The following NTM variants were observed in gnomAD, a reference collection of about 807,000 sequenced individuals.
NTM encodes the protein neurotrimin, also known as IgLON family member 2.
NTM carries 13 observed loss-of-function variants against 42.1 expected under a neutral mutation model. That is an observed-to-expected ratio of 0.31 (90% CI 0.20 to 0.49). The LOEUF (loss-of-function observed/expected upper bound fraction) is 0.49. NTM is among the 20% of genes least tolerant of loss of function. The probability of loss-of-function intolerance (pLI) is 0.99; values close to 1 mark genes in which losing one functional copy is unlikely to be tolerated. For synonymous variants in NTM, 187 were observed against 179.2 expected (o/e 1.04, Z -0.35); for missense variants, 373 against 452.8 (o/e 0.82, Z 1.60).
Position 132,146,535 on chromosome 11 carries a change from G to A in NTM, c.400+21G>A, listed in dbSNP as rs775858262. 74 of 1,609,192 alleles carry A rather than the reference G, an allele frequency of 4.6e-5. No individual in the cohort carries two copies. The highest frequency in any genetic ancestry group is 5.5e-5 in the Non-Finnish European group (65 of 1,176,488). ...GCAAGGTAGGTGGGCGGGGCTTGGCGGGGAGATCTGGCTGGCCAGCCTGGA... is the reference window on the plus strand; with the variant it reads ...GCAAGGTAGGTGGGCGGGGCTTGGCAGGGAGATCTGGCTGGCCAGCCTGGA... On this transcript the variant is annotated intron_variant, in intron 3 of 8. Coordinates refer to ENST00000683400, the MANE Select transcript of NTM (RefSeq NM_001352005.2). This position sits in a 1 kb window ranked among gnomAD's most constrained non-coding sequence, Gnocchi z 4.5.
intron 1 of NTM, among the ~76,000 whole-genome samples, chr11:131,490,777 A>C (rs928158948): frequency 6.6e-6 from 1 of 152,238 alleles, no homozygotes; most frequent in Non-Finnish European, 1.5e-5. Flanking sequence ...CATAACATTC[A>C]TCATATTGCA....
intron 1 of NTM, among the ~76,000 whole-genome samples, chr11:131,903,401 T>G (rs2053441293): frequency 6.6e-6 from 1 of 152,222 alleles, no homozygotes; most frequent in African/African-American, 2.4e-5. Context: ...AGTTAAATAT[T>G]AACAGCGTAT....
chr11:131,787,354 G>GATTATTATTATTATTATTATTATTATT (rs149079341), intron 1 of NTM, among the ~76,000 whole-genome samples: 8 of 144,432 alleles, frequency 5.5e-5, no homozygotes, highest in African/African-American at 1.5e-4. Context: ...CATAATACAA[G>GATTATTATTATTATTATTATTATTATT]ATTATTATTA....
chr11:131,459,501 A>C (rs1951187567), intron 1 of NTM, among the ~76,000 whole-genome samples: 1 of 150,394 alleles, frequency 6.6e-6, no homozygotes, highest in Non-Finnish European at 1.5e-5. Flanking sequence ...AAGAAAGACT[A>C]TAGAAAAAAA....
At chr11:132,166,353 A>C (rs1298499545) in intron 3 of NTM, among the ~76,000 whole-genome samples, 1 of 152,044 alleles carries the variant, frequency 6.6e-6, no homozygotes, top group Non-Finnish European at 1.5e-5. Context: ...CAGAAACCTC[A>C]CCCACGATAA....
intron 2 of NTM, among the ~76,000 whole-genome samples, chr11:132,027,339 C>T (rs779551650): frequency 2.0e-5 from 3 of 152,186 alleles, no homozygotes; most frequent in South Asian, 2.1e-4. Context: ...GGGGAAATAA[C>T]GATCAATTTA....
At chr11:131,915,538 T>A (rs1028234215) in intron 2 of NTM, among the ~76,000 whole-genome samples, 8 of 152,356 alleles carry the variant, frequency 5.3e-5, no homozygotes, top group Admixed American at 2.6e-4. Flanking sequence ...TCTATCATTT[T>A]ATTTTAAATT....
intron 2 of NTM, among the ~76,000 whole-genome samples, chr11:132,113,012 G>C (rs1412828102): frequency 6.6e-6 from 1 of 152,116 alleles, no homozygotes; most frequent in Non-Finnish European, 1.5e-5. Flanking sequence ...TAGACAGAAA[G>C]AATCTACCCC....
chr11:132,027,148 G>T (rs2075292839), intron 2 of NTM, among the ~76,000 whole-genome samples: 1 of 152,168 alleles, frequency 6.6e-6, no homozygotes, highest in Non-Finnish European at 1.5e-5. Context: ...TCCAACTCTT[G>T]TCTCCATTTC....
At chr11:132,048,737 C>G (rs2078382584) in intron 2 of NTM, among the ~76,000 whole-genome samples, 1 of 152,050 alleles carries the variant, frequency 6.6e-6, no homozygotes, top group Non-Finnish European at 1.5e-5. Context: ...CACCCCCAAC[C>G]AAAACCCAGC....
chr11:131,880,152 C>A (rs1009397804), intron 1 of NTM, among the ~76,000 whole-genome samples: 1 of 152,160 alleles, frequency 6.6e-6, no homozygotes, highest in Admixed American at 6.5e-5. Flanking sequence ...CTCTTCCGAC[C>A]CAGCAGATAA....
At chr11:131,721,755 C>T (rs549672481) in intron 1 of NTM, among the ~76,000 whole-genome samples, 17 of 151,978 alleles carry the variant, frequency 1.1e-4, no homozygotes, top group Non-Finnish European at 2.4e-4. Context: ...CCAGCACTTT[C>T]GGAGGTCAAG....
intron 1 of NTM, among the ~76,000 whole-genome samples, chr11:131,742,932 G>A (rs897262502): frequency 8.5e-5 from 13 of 152,210 alleles, no homozygotes; most frequent in African/African-American, 3.1e-4. Flanking sequence ...GTGAAGGGGG[G>A]CCTCTTAAGG....
chr11:131,740,916 C>T (rs1478117960), intron 1 of NTM, among the ~76,000 whole-genome samples: 1 of 152,102 alleles, frequency 6.6e-6, no homozygotes, highest in Non-Finnish European at 1.5e-5. Context: ...GCCTGTAATC[C>T]CAGCACTTTG....
In NTM at chr11:131,789,479, AAGAAGAAGAAGAGGAAAGAAGAAGAAG is replaced by A. The variant is rs1565550543; in HGVS notation, c.83-122083_83-122057del. ...GAAGAAGAAGAAGAAGAAGAAGAAG[AAGAAGAAGAAGAGGAAAGAAGAAGAAG>A]AAGAAGAAGAAGAAGAAGAAGAAGA... On this transcript the variant is annotated intron_variant, in intron 1 of 8. Transcript: ENST00000683400. Among the ~76,000 whole-genome samples the A allele has an allele frequency of 4.4e-3, 53 of 12,032 alleles. 18 individuals carry two copies. Among genetic ancestry groups the A allele is most frequent in the Non-Finnish European group, 7.0e-3 (42 of 6,036 alleles). 7.9% of individuals were successfully genotyped at this position (12,032 alleles called of 152,430 possible).
rs77905923 is a variant in NTM at position 132,053,943 on chromosome 11, C to T, written c.168-92339C>T. 1.2e-4 allele frequency among the ~76,000 whole-genome samples: 19 copies of T among 152,258 alleles called. No individual in the cohort carries two copies. The East Asian group carries it at 1.9e-3, about 15-fold the overall frequency. On this transcript the variant is annotated intron_variant, in intron 2 of 8. Transcript: ENST00000683400. Reference sequence around the variant, plus strand: ...CACCCAATAAAAAAGTCGCTGGGTGCGGTGGCTGACAACTGTAATCCCGGC... The same window carrying T: ...CACCCAATAAAAAAGTCGCTGGGTGTGGTGGCTGACAACTGTAATCCCGGC...
intron 2 of NTM, among the ~76,000 whole-genome samples, chr11:132,071,051 G>A (rs1167798072): frequency 1.4e-5 from 2 of 140,578 alleles, no homozygotes; most frequent in South Asian, 2.5e-4. Context: ...AAGTTAACAC[G>A]TCACACTGAC....
At chr11:131,907,942 G>C (rs1291791811) in intron 1 of NTM, among the ~76,000 whole-genome samples, 1 of 152,312 alleles carries the variant, frequency 6.6e-6, no homozygotes, top group South Asian at 2.1e-4. Flanking sequence ...TAGCCGGTTT[G>C]AATAAAATGG....
At chr11:131,451,525 G>A (rs1950490818) in intron 1 of NTM, among the ~76,000 whole-genome samples, 1 of 152,196 alleles carries the variant, frequency 6.6e-6, no homozygotes, top group African/African-American at 2.4e-5. Context: ...TGCAGGAACT[G>A]CTGTGGGCAG....
Sources: allele counts gnomAD v4.1 joint callset (sites outside exome capture counted in the v4.1 genomes callset), GRCh38; gene constraint gnomAD v4.1.1; non-coding constraint Gnocchi (gnomAD v3.1); transcripts MANE v1.5; gene names NCBI Gene and HGNC (gene_info 2026-07-23, HGNC 2026-07-21).